TNPO1: variants seen among roughly 807,000 people sequenced by gnomAD.
TNPO1 encodes transportin 1, also known as transportin-1.
A neutral mutation model predicts 119.5 loss-of-function variants in TNPO1; 8 were observed. The observed-to-expected ratio is 0.07, with a 90% CI of 0.04 to 0.12. The LOEUF (loss-of-function observed/expected upper bound fraction) is 0.12. Among genes scored for constraint, TNPO1 ranks in the 10% least tolerant of loss-of-function variants. The pLI, the probability that TNPO1 is intolerant of heterozygous loss-of-function variation, is 1.00. For missense variants in TNPO1, 576 were observed against 1,089.8 expected, an observed-to-expected ratio of 0.53 and a Z score of 6.64; for synonymous variants, 362 against 363.0, an observed-to-expected ratio of 1.00 and a Z score of 0.03.
chr5:72,903,903 A>G (rs1749957354), intron 23 of TNPO1, 120 bp downstream of exon 23: 1 of 635,662 alleles, frequency 1.6e-6, no homozygotes, highest in Non-Finnish European at 2.7e-6. Context: ...TTGATAGTTT[A>G]CATATATAAC....
At chr5:72,839,802 T>C (rs1252076230) in intron 1 of TNPO1, among the ~76,000 whole-genome samples, 2 of 152,162 alleles carry the variant, frequency 1.3e-5, no homozygotes, top group East Asian at 3.8e-4. Context: ...TCCCAGTAAT[T>C]ATAATGTGTA....
intron 1 of TNPO1, among the ~76,000 whole-genome samples, chr5:72,844,280 GA>G (rs760386448): frequency 1.8e-4 from 28 of 152,304 alleles, no homozygotes; most frequent in South Asian, 6.2e-4. Flanking sequence ...ACACAGAAGA[GA>G]AATAGTATCC....
Position 72,909,833 on chromosome 5 carries a change from C to T in TNPO1, c.*1160C>T, listed in dbSNP as rs1485184287. On this transcript the variant is annotated 3_prime_UTR_variant, in exon 25 of 25. Coordinates refer to ENST00000337273, the MANE Select transcript of TNPO1 (RefSeq NM_002270.4). ...TTGATATTGTATTGTGTGTAACCTGCACAATGTGGAAAGCTGATATACCTG... is the reference window on the plus strand; with the variant it reads ...TTGATATTGTATTGTGTGTAACCTGTACAATGTGGAAAGCTGATATACCTG... The T allele has an allele frequency of 6.6e-6, 1 of 152,586 alleles. No homozygotes were observed. Among genetic ancestry groups the T allele is most frequent in the African/African-American group, 2.4e-5 (1 of 41,422 alleles). 9.5% of individuals were successfully genotyped at this position (152,586 alleles called of 1,614,324 possible). A position where few individuals can be genotyped will look rare whatever the true frequency, so the allele number is the denominator to read the frequency against.
In TNPO1 at chr5:72,881,733, A is replaced by G. The variant is rs58629822; in HGVS notation, c.921-734A>G. Among the ~76,000 whole-genome samples the G allele has an allele frequency of 4.1e-3, 627 of 152,292 alleles. 7 individuals carry two copies. Among genetic ancestry groups the G allele is most frequent in the African/African-American group, 0.014 (596 of 41,558 alleles). On this transcript the variant is annotated intron_variant, in intron 9 of 24. Transcript: ENST00000337273. Reference sequence around the variant, plus strand: ...GCAGGTGACCCTTTATCTTGCCCCAAAACTTACAGATAGTAATTTCATATG... The same window carrying G: ...GCAGGTGACCCTTTATCTTGCCCCAGAACTTACAGATAGTAATTTCATATG...
In TNPO1 at chr5:72,872,539, A is replaced by G. The variant is rs1747482022; in HGVS notation, c.597-100A>G. 3 of 716,396 alleles carry G rather than the reference A, an allele frequency of 4.2e-6. No individual in the cohort carries two copies. In the Admixed American group the frequency reaches 8.8e-5, roughly 21 times the overall value. The allele number at this position is 716,396 out of a possible 1,614,324, so 44.4% of individuals were successfully genotyped here. On this transcript the variant is annotated intron_variant, in intron 6 of 24. Coordinates refer to ENST00000337273, the MANE Select transcript of TNPO1 (RefSeq NM_002270.4). ...TTCTTTTTAGTGGGTATATTGATAG[A>G]CATATCATAATATTTTTATGGAGGA...
rs1749308309 is a variant in TNPO1 at position 72,894,852 on chromosome 5, G to A, written c.2143+1149G>A. 2.6e-5 allele frequency among the ~76,000 whole-genome samples: 4 copies of A among 152,022 alleles called. No individual in the cohort carries two copies. The South Asian group carries it at 8.3e-4, about 31-fold the overall frequency. ...CTAACAGTGTAATGAATTCTTATGG[G>A]AAGCTTATCATTCTCATATTTACCA... is the stretch of plus-strand genomic sequence containing the variant. On this transcript the variant is annotated intron_variant, in intron 18 of 24. Coordinates refer to ENST00000337273, the MANE Select transcript of TNPO1 (RefSeq NM_002270.4).
At chr5:72,849,742 T>A (rs1745406941) in intron 2 of TNPO1, among the ~76,000 whole-genome samples, 1 of 152,236 alleles carries the variant, frequency 6.6e-6, no homozygotes, top group Non-Finnish European at 1.5e-5. Flanking sequence ...AAGAACACTT[T>A]TGGAATGTAT....
At chr5:72,839,955 TG>T (rs1375898391) in intron 1 of TNPO1, among the ~76,000 whole-genome samples, 1 of 152,068 alleles carries the variant, frequency 6.6e-6, no homozygotes, top group Non-Finnish European at 1.5e-5. Flanking sequence ...ATCTGGGAGG[TG>T]TTACTCCTAT....
chr5:72,868,335 G>A (rs1333918921), intron 6 of TNPO1, among the ~76,000 whole-genome samples: 4 of 147,196 alleles, frequency 2.7e-5, no homozygotes, highest in African/African-American at 1.0e-4. Flanking sequence ...GGGAGGCTGA[G>A]GCAGGAGAAT....
At chr5:72,890,076 C>T in intron 14 of TNPO1, 119 bp downstream of exon 14, 3 of 1,102,982 alleles carry the variant, frequency 2.7e-6, no homozygotes, top group Middle Eastern at 2.1e-4. Flanking sequence ...GCGTTAGCTA[C>T]TTTAAGAGTA....
intron 22 of TNPO1, among the ~76,000 whole-genome samples, chr5:72,902,516 T>C (rs1749868169): frequency 6.6e-6 from 1 of 151,976 alleles, no homozygotes; most frequent in South Asian, 2.1e-4. Flanking sequence ...GGTTTTTGTT[T>C]TTTTTTTTAA....
intron 24 of TNPO1, 70 bp downstream of exon 24, chr5:72,905,515 T>A: frequency 1.5e-6 from 1 of 666,502 alleles, no homozygotes; most frequent in Non-Finnish European, 2.6e-6. Context: ...TTCAAACTAC[T>A]AAATAGAATA....
intron 1 of TNPO1, among the ~76,000 whole-genome samples, chr5:72,836,588 T>G (rs1183469443): frequency 2.0e-5 from 3 of 152,226 alleles, no homozygotes; most frequent in African/African-American, 7.2e-5. Flanking sequence ...GGTTCATTTG[T>G]TCATTGTCTT....
rs1417740229 is a variant in TNPO1, at chr5:72,910,883, C to T, written c.*2210C>T. 1 of 151,996 alleles carries T rather than the reference C, an allele frequency of 6.6e-6. No homozygotes were observed. The highest frequency in any genetic ancestry group is 1.5e-5 in the Non-Finnish European group (1 of 67,964). The allele number at this position is 151,996 out of a possible 1,614,324, so 9.4% of individuals were successfully genotyped here. On this transcript the variant is annotated 3_prime_UTR_variant, in exon 25 of 25. Coordinates refer to ENST00000337273, the MANE Select transcript of TNPO1 (RefSeq NM_002270.4). ...GCTTTGCAAATTTCAGTCTGTAGAGCCTGAAATTAAATTATTTTATAGTGC... is the reference window on the plus strand; with the variant it reads ...GCTTTGCAAATTTCAGTCTGTAGAGTCTGAAATTAAATTATTTTATAGTGC...
At chr5:72,817,070 C>T (rs1743726316) in intron 1 of TNPO1, 2 of 394,254 alleles carry the variant, frequency 5.1e-6, no homozygotes, top group Admixed American at 9.0e-5. Flanking sequence ...GCGTTTGCCT[C>T]GCCTGTTAAG....
At chr5:72,892,055 A>AT (rs1208837563) in intron 15 of TNPO1, among the ~76,000 whole-genome samples, 159 bp downstream of exon 15, 1 of 152,112 alleles carries the variant, frequency 6.6e-6, no homozygotes, top group Non-Finnish European at 1.5e-5. Flanking sequence ...TACTTAATTG[A>AT]TAATAAATTA....
chr5:72,857,784 CTG>C (rs1746121213), intron 4 of TNPO1, among the ~76,000 whole-genome samples: 1 of 152,296 alleles, frequency 6.6e-6, no homozygotes, highest in East Asian at 1.9e-4. Flanking sequence ...CTACAATACT[CTG>C]TGTCTTTAAA....
At chr5:72,822,899 G>A (rs1348676789) in intron 1 of TNPO1, among the ~76,000 whole-genome samples, 1 of 141,534 alleles carries the variant, frequency 7.1e-6, no homozygotes, top group Non-Finnish European at 1.5e-5. Flanking sequence ...GGCCTGGCCT[G>A]GGTCTACACT....
chr5:72,909,005 G>A lies in TNPO1; in HGVS notation c.*332G>A. The A allele has an allele frequency of 2.6e-6, 1 of 378,886 alleles. No individual in the cohort carries two copies. The highest frequency in any genetic ancestry group is 5.3e-6 in the Non-Finnish European group (1 of 188,548). 23.5% of individuals were successfully genotyped at this position (378,886 alleles called of 1,614,324 possible). On this transcript the variant is annotated 3_prime_UTR_variant, in exon 25 of 25. Coordinates refer to ENST00000337273, the MANE Select transcript of TNPO1 (RefSeq NM_002270.4). ...AACAGTACATTGTGGAATATTATGG[G>A]GAATTGTACCAAAACAAGAACCATA... is the stretch of plus-strand genomic sequence containing the variant.
Sources: allele counts gnomAD v4.1 joint callset (sites outside exome capture counted in the v4.1 genomes callset), GRCh38; gene constraint gnomAD v4.1.1; transcripts MANE v1.5; gene names NCBI Gene and HGNC (gene_info 2026-07-23, HGNC 2026-07-21).